The following RB1 variants were observed in gnomAD, a reference collection of about 807,000 sequenced individuals.
RB1 encodes RB transcriptional corepressor 1.
In RB1, 18 loss-of-function variants were observed where a neutral mutation model predicts 135.4. That is an observed-to-expected ratio of 0.13 (90% CI 0.09 to 0.20). RB1 has a LOEUF of 0.20. RB1 is among the 10% of genes least tolerant of loss of function. The pLI, the probability that RB1 is intolerant of heterozygous loss-of-function variation, is 1.00. For synonymous variants in RB1, 365 were observed against 373.2 expected, an observed-to-expected ratio of 0.98 and a Z score of 0.25; for missense variants, 868 against 1,110.0, an observed-to-expected ratio of 0.78 and a Z score of 3.10.
At chr13:48,378,253 C>A (rs77274220) in intron 13 of RB1, among the ~76,000 whole-genome samples, 4,618 of 152,178 alleles carry the variant, frequency 0.03, 250 homozygotes, top group African/African-American at 0.11. Flanking sequence ...AAACTTTTGA[C>A]TCTTATAACA....
chr13:48,345,909 G>C (rs1470627588), intron 4 of RB1, among the ~76,000 whole-genome samples: 1 of 152,090 alleles, frequency 6.6e-6, no homozygotes, highest in Non-Finnish European at 1.5e-5. Context: ...GATGGAGATA[G>C]AGGTGGAAAG....
chr13:48,332,853 T>C (rs1049858953), intron 2 of RB1, among the ~76,000 whole-genome samples: 4 of 152,204 alleles, frequency 2.6e-5, no homozygotes, highest in African/African-American at 9.6e-5. Context: ...TAACCCTATA[T>C]ATACTATGTT....
rs574544616 is a variant in RB1, at chr13:48,318,123, G to T, written c.264+10717G>T. ...TCCCCTCACTCGGAAGGCCGGGGCC[G>T]TGTCCTGGCTCCTGACGCCCTCCTG... On this transcript the variant is annotated intron_variant, in intron 2 of 26. Transcript: ENST00000267163. 1,332 of 514,424 alleles carry T rather than the reference G, an allele frequency of 2.6e-3. 5 individuals carry two copies. The highest frequency in any genetic ancestry group is 4.1e-3 in the Non-Finnish European group (1,161 of 284,048). The allele number at this position is 514,424 out of a possible 1,614,324, so 31.9% of individuals were successfully genotyped here. A position where few individuals can be genotyped will look rare whatever the true frequency, so the allele number is the denominator to read the frequency against.
chr13:48,379,604 T>C lies in RB1; in HGVS notation c.1343T>C (p.Leu448Pro), dbSNP rs2138140821. The stretch of plus-strand genomic sequence containing the variant: ...TTTGTTTGTTTGTAGCGATACAAAC[T>C]TGGAGTTCGCTTGTATTACCGAGTA... ...CVEIGSQRYK[L>P]GVRLYYRVME... The change falls in exon 14 of 27, where the codon CTT becomes CCT. Residue 448 changes from leucine to proline, a missense_variant. By Grantham distance (98) the Leu-to-Pro change is moderately conservative. Around this residue, in one of 3 missense-constraint regions of RB1, gnomAD observed 641 missense variants for 791.3 expected, o/e 0.81. Transcript: ENST00000267163. 1.9e-6 allele frequency: 3 copies of C among 1,612,762 alleles called. No individual in the cohort carries two copies. The highest frequency in any genetic ancestry group is 2.5e-6 in the Non-Finnish European group (3 of 1,179,690).
intron 4 of RB1, 139 bp downstream of exon 4, chr13:48,345,338 T>A: frequency 1.0e-6 from 1 of 1,001,474 alleles, no homozygotes; most frequent in Non-Finnish European, 1.5e-6. Flanking sequence ...TGTTAGCTCA[T>A]TAATTCTTAG....
intron 2 of RB1, among the ~76,000 whole-genome samples, chr13:48,335,516 A>C (rs1313801869): frequency 6.6e-6 from 1 of 152,102 alleles, no homozygotes; most frequent in Non-Finnish European, 1.5e-5. Flanking sequence ...AGGTATTTTA[A>C]GGATTTTTAT....
chr13:48,304,366 CAAAAAAT>C (rs1166090195), intron 1 of RB1, among the ~76,000 whole-genome samples: 1 of 151,822 alleles, frequency 6.6e-6, no homozygotes, highest in Non-Finnish European at 1.5e-5. Context: ...CCATCAGACG[CAAAAAAT>C]GAAAAATAAA....
chr13:48,396,528 T>G (rs1948649708), intron 17 of RB1, among the ~76,000 whole-genome samples: 1 of 152,068 alleles, frequency 6.6e-6, no homozygotes, highest in Non-Finnish European at 1.5e-5. Flanking sequence ...ACATAACACC[T>G]AAAACCATAA....
intron 2 of RB1, among the ~76,000 whole-genome samples, chr13:48,341,795 T>C (rs565011097): frequency 6.6e-6 from 1 of 152,154 alleles, no homozygotes; most frequent in African/African-American, 2.4e-5. Context: ...TGGTATTACA[T>C]GCTTTTTAGC....
intron 17 of RB1, among the ~76,000 whole-genome samples, chr13:48,419,265 A>G (rs192392802): frequency 6.6e-6 from 1 of 152,338 alleles, no homozygotes; most frequent in Admixed American, 6.5e-5. Flanking sequence ...TGGAAACTGA[A>G]CAACCTGTTC....
chr13:48,319,842 C>T lies in RB1; in HGVS notation c.264+12436C>T, dbSNP rs182235725. 1.2e-5 allele frequency: 4 copies of T among 325,632 alleles called. No homozygotes were observed. The highest frequency in any genetic ancestry group is 4.4e-5 in the African/African-American group (2 of 45,432). 20.2% of individuals were successfully genotyped at this position (325,632 alleles called of 1,614,324 possible). The stretch of plus-strand genomic sequence containing the variant: ...TCTGCTCGAAGGAGTCGTTGCTGCT[C>T]GCTCTGACCGGGAAGGCAGAACCCT... On this transcript the variant is annotated intron_variant, in intron 2 of 26. Coordinates refer to ENST00000267163, the MANE Select transcript of RB1 (RefSeq NM_000321.3). The surrounding 1 kb of genome is among the most constrained non-coding windows in gnomAD (Gnocchi z 5.0).
intron 19 of RB1, among the ~76,000 whole-genome samples, chr13:48,457,165 G>A (rs553072628): frequency 4.0e-4 from 61 of 152,278 alleles, no homozygotes; most frequent in African/African-American, 1.5e-3. Context: ...GAACAGCTTA[G>A]AGAAGACCCA....
chr13:48,345,759 A>T (rs746651816), intron 4 of RB1, among the ~76,000 whole-genome samples: 2 of 152,160 alleles, frequency 1.3e-5, no homozygotes, highest in Non-Finnish European at 2.9e-5. Flanking sequence ...TATGTCTGTT[A>T]TCATGTTTGT....
intron 17 of RB1, among the ~76,000 whole-genome samples, chr13:48,396,220 G>A (rs1210245777): frequency 6.6e-6 from 1 of 152,092 alleles, no homozygotes; most frequent in East Asian, 1.9e-4. Context: ...CAAAGCTGGA[G>A]GCATCACGCT....
intron 17 of RB1, among the ~76,000 whole-genome samples, chr13:48,392,347 G>A (rs910289186): frequency 5.9e-5 from 9 of 152,110 alleles, no homozygotes; most frequent in African/African-American, 2.2e-4. Flanking sequence ...CTGATCTCAG[G>A]TGACCCACCC....
At chr13:48,340,574 T>C (rs902614040) in intron 2 of RB1, among the ~76,000 whole-genome samples, 8 of 104,502 alleles carry the variant, frequency 7.7e-5, no homozygotes, top group Non-Finnish European at 1.9e-4. Context: ...TTTTAATCTT[T>C]AAAAGAGAGA....
At chr13:48,443,903 G>GA (rs1355981354) in intron 17 of RB1, among the ~76,000 whole-genome samples, 1 of 152,012 alleles carries the variant, frequency 6.6e-6, no homozygotes, top group Non-Finnish European at 1.5e-5. Context: ...TGATGTGTAG[G>GA]AAAAAACTCT....
intron 17 of RB1, among the ~76,000 whole-genome samples, chr13:48,428,692 G>A (rs931062349): frequency 2.6e-5 from 4 of 152,144 alleles, no homozygotes; most frequent in African/African-American, 7.2e-5. Flanking sequence ...GATTAAAATC[G>A]TATGATGACC....
intron 17 of RB1, among the ~76,000 whole-genome samples, chr13:48,383,553 C>G (rs1210522692): frequency 6.6e-6 from 1 of 151,834 alleles, no homozygotes; most frequent in African/African-American, 2.4e-5. Flanking sequence ...TTTTAATTTC[C>G]TTACGTTTTG....
Sources: allele counts gnomAD v4.1 joint callset (sites outside exome capture counted in the v4.1 genomes callset), GRCh38; gene constraint gnomAD v4.1.1; regional missense constraint gnomAD v4.1.1; non-coding constraint Gnocchi (gnomAD v3.1); transcripts MANE v1.5; gene names NCBI Gene and HGNC (gene_info 2026-07-23, HGNC 2026-07-21).